The following NAALADL2 variants were observed in gnomAD, a reference collection of about 807,000 sequenced individuals.
NAALADL2 encodes the protein N-acetylated alpha-linked acidic dipeptidase like 2, also known as inactive N-acetylated-alpha-linked acidic dipeptidase-like protein 2.
A neutral mutation model predicts 87.2 loss-of-function variants in NAALADL2; 76 were observed. The observed-to-expected ratio is 0.87, with a 90% CI of 0.72 to 1.05. The LOEUF is 1.05. Ranked by LOEUF, NAALADL2 falls within the 50% of genes least tolerant of loss-of-function variation. The pLI is 0.00. For synonymous variants in NAALADL2, 354 were observed against 331.0 expected (o/e 1.07, Z -0.75); for missense variants, 1,089 against 945.8 (o/e 1.15, Z -1.99).
chr3:175,403,528 T>A (rs1446265773), intron 5 of NAALADL2, among the ~76,000 whole-genome samples: 2 of 151,902 alleles, frequency 1.3e-5, no homozygotes, highest in East Asian at 3.9e-4. Context: ...ATATCGTATA[T>A]TTTTTTTCTG....
chr3:174,869,409 G>A (rs1727529986), intron 1 of NAALADL2, among the ~76,000 whole-genome samples: 1 of 152,156 alleles, frequency 6.6e-6, no homozygotes, highest in Non-Finnish European at 1.5e-5. Context: ...AAGAATGAAA[G>A]TGCTCAAATA....
At chr3:174,673,699 T>A (rs1179253074) in intron 2 of NAALADL2, among the ~76,000 whole-genome samples, 2 of 150,190 alleles carry the variant, frequency 1.3e-5, no homozygotes, top group South Asian at 4.2e-4. Flanking sequence ...AGTACAAAGA[T>A]ACAGTTAGAT....
chr3:175,544,074 G>A (rs995366889), intron 9 of NAALADL2, among the ~76,000 whole-genome samples: 1 of 152,114 alleles, frequency 6.6e-6, no homozygotes, highest in Non-Finnish European at 1.5e-5. Flanking sequence ...ACCAAGGGTA[G>A]GAGGACAGGG....
In NAALADL2 at chr3:175,149,818, G is replaced by A. The variant is rs1371964973; in HGVS notation, c.545+52527G>A. Among the ~76,000 whole-genome samples, 8 of 152,122 alleles carry A rather than the reference G, an allele frequency of 5.3e-5. 1 individual carries two copies. The highest frequency in any genetic ancestry group is 1.5e-5 in the Non-Finnish European group (1 of 68,028). ...CTCTTTACAGAACCGGATTAGTGCG[G>A]TATGGTATTTAAAATCTTGGACTCT... On this transcript the variant is annotated intron_variant, in intron 2 of 13. Transcript: ENST00000454872.
At chr3:175,090,440 G>A (rs1719875671) in intron 1 of NAALADL2, among the ~76,000 whole-genome samples, 1 of 151,998 alleles carries the variant, frequency 6.6e-6, no homozygotes, top group African/African-American at 2.4e-5. Flanking sequence ...CATTTAGGGT[G>A]TGTTACACAA....
At chr3:175,667,245 G>GAAAGAAAGAAAGAA (rs1560943759) in intron 11 of NAALADL2, among the ~76,000 whole-genome samples, 3 of 122,488 alleles carry the variant, frequency 2.4e-5, no homozygotes, top group East Asian at 4.8e-4. Flanking sequence ...GAAAGAAAAA[G>GAAAGAAAGAAAGAA]AAAGAAAGAA....
chr3:175,598,166 CT>C (rs1316548058), intron 10 of NAALADL2, among the ~76,000 whole-genome samples: 1 of 151,898 alleles, frequency 6.6e-6, no homozygotes, highest in African/African-American at 2.4e-5. Flanking sequence ...GTAAAACAGT[CT>C]TGTTTTGAAT....
intron 1 of NAALADL2, among the ~76,000 whole-genome samples, chr3:175,093,721 A>G (rs1462586964): frequency 6.6e-6 from 1 of 151,772 alleles, no homozygotes; most frequent in Non-Finnish European, 1.5e-5. Flanking sequence ...TGTTACACCA[A>G]GTGACTTCAT....
At chr3:175,071,916 T>C (rs974144568) in intron 1 of NAALADL2, among the ~76,000 whole-genome samples, 3 of 152,114 alleles carry the variant, frequency 2.0e-5, no homozygotes, top group Non-Finnish European at 4.4e-5. Context: ...GGTATTTTTT[T>C]CATATCAACT....
chr3:175,230,659 C>T (rs1046700420), intron 2 of NAALADL2, among the ~76,000 whole-genome samples: 6 of 152,034 alleles, frequency 3.9e-5, no homozygotes, highest in Middle Eastern at 3.4e-3. Flanking sequence ...TCCTGCAATC[C>T]GGCAGTTGTA....
intron 5 of NAALADL2, among the ~76,000 whole-genome samples, chr3:175,388,391 C>T (rs1768665567): frequency 6.6e-6 from 1 of 152,000 alleles, no homozygotes. Context: ...GTAGACATTG[C>T]TAGACATTAT....
intron 4 of NAALADL2, among the ~76,000 whole-genome samples, chr3:175,320,432 AC>A (rs1486035956): frequency 6.6e-6 from 1 of 151,908 alleles, no homozygotes; most frequent in Non-Finnish European, 1.5e-5. Flanking sequence ...TCAGAAGGAG[AC>A]CCCCATAAGG....
At chr3:175,539,988 T>A (rs1038424472) in intron 9 of NAALADL2, among the ~76,000 whole-genome samples, 2 of 152,216 alleles carry the variant, frequency 1.3e-5, no homozygotes, top group African/African-American at 4.8e-5. Flanking sequence ...TTACTAGAAT[T>A]ACTGTAGAAA....
intron 11 of NAALADL2, among the ~76,000 whole-genome samples, chr3:175,645,107 C>T (rs776659684): frequency 2.0e-5 from 3 of 151,046 alleles, no homozygotes; most frequent in African/African-American, 7.3e-5. Context: ...AAGACTCAGG[C>T]GAAGCTGTAT....
chr3:175,454,379 C>T (rs1043425886), intron 6 of NAALADL2, among the ~76,000 whole-genome samples: 13 of 152,120 alleles, frequency 8.5e-5, no homozygotes, highest in African/African-American at 3.1e-4. Flanking sequence ...AGATGCCATG[C>T]CCCTGCTCTG....
At chr3:175,013,334 T>C (rs1375573706) in intron 1 of NAALADL2, among the ~76,000 whole-genome samples, 1 of 133,556 alleles carries the variant, frequency 7.5e-6, no homozygotes, top group African/African-American at 2.9e-5. Flanking sequence ...GGTCTTGCTC[T>C]GTTGTCCAGG....
chr3:175,193,532 A>T (rs973466182), intron 2 of NAALADL2, among the ~76,000 whole-genome samples: 5 of 151,878 alleles, frequency 3.3e-5, no homozygotes, highest in Admixed American at 6.6e-5. Context: ...TATGAAATAG[A>T]GGTGAGATAA....
At chr3:175,425,054 T>C (rs1288743509) in intron 5 of NAALADL2, among the ~76,000 whole-genome samples, 1 of 152,138 alleles carries the variant, frequency 6.6e-6, no homozygotes, top group Non-Finnish European at 1.5e-5. Context: ...GTAAAATCTA[T>C]TGAACTTGGA....
At chr3:175,394,672 C>T (rs1268376335) in intron 5 of NAALADL2, among the ~76,000 whole-genome samples, 1 of 152,110 alleles carries the variant, frequency 6.6e-6, no homozygotes. Context: ...CAGTAGTCTC[C>T]CCTTATCTGC....
Sources: allele counts gnomAD v4.1 joint callset (sites outside exome capture counted in the v4.1 genomes callset), GRCh38; gene constraint gnomAD v4.1.1; transcripts MANE v1.5; gene names NCBI Gene and HGNC (gene_info 2026-07-23, HGNC 2026-07-21).